The following MACROD2 variants were observed in gnomAD, a reference collection of about 807,000 sequenced individuals.
The protein encoded by MACROD2 is mono-ADP ribosylhydrolase 2.
A neutral mutation model predicts 70.4 loss-of-function variants in MACROD2; 36 were observed. The observed-to-expected ratio is 0.51, with a 90% CI of 0.39 to 0.68. The LOEUF (loss-of-function observed/expected upper bound fraction) is 0.68. Among genes scored for constraint, MACROD2 ranks in the 30% least tolerant of loss-of-function variants. The pLI, the probability that MACROD2 is intolerant of heterozygous loss-of-function variation, is 0.00. For missense variants in MACROD2, 496 were observed against 538.4 expected (o/e 0.92, Z 0.78); for synonymous variants, 172 against 178.8 (o/e 0.96, Z 0.30).
chr20:14,996,321 C>A (rs2074949065), intron 5 of MACROD2, among the ~76,000 whole-genome samples: 1 of 152,136 alleles, frequency 6.6e-6, no homozygotes, highest in South Asian at 2.1e-4. Flanking sequence ...GTACTCAGAT[C>A]CACTGAAGCC....
At chr20:14,015,909 A>G (rs1601115691) in intron 2 of MACROD2, among the ~76,000 whole-genome samples, 1 of 152,314 alleles carries the variant, frequency 6.6e-6, no homozygotes, top group South Asian at 2.1e-4. Flanking sequence ...ACCTTTATCA[A>G]CTGTGAATAA....
chr20:14,830,970 G>A (rs2072958460), intron 5 of MACROD2, among the ~76,000 whole-genome samples: 1 of 152,012 alleles, frequency 6.6e-6, no homozygotes, highest in Non-Finnish European at 1.5e-5. Flanking sequence ...AGTTCAAATC[G>A]TTTTCTCTTT....
chr20:14,174,053 TC>T (rs1193939489), intron 3 of MACROD2, among the ~76,000 whole-genome samples: 1 of 152,066 alleles, frequency 6.6e-6, no homozygotes, highest in African/African-American at 2.4e-5. Context: ...TCTGTGAGGG[TC>T]CTTGGTTGTG....
intron 8 of MACROD2, among the ~76,000 whole-genome samples, chr20:15,815,476 T>C (rs960069031): frequency 6.6e-6 from 1 of 152,084 alleles, no homozygotes; most frequent in African/African-American, 2.4e-5. Flanking sequence ...ACAGCTGGTG[T>C]TCATATGACA....
intron 3 of MACROD2, among the ~76,000 whole-genome samples, chr20:14,447,397 A>G (rs192219663): frequency 6.6e-6 from 1 of 152,266 alleles, no homozygotes; most frequent in East Asian, 1.9e-4. Flanking sequence ...GTTTTTCGAG[A>G]TTAAAGATTT....
At chr20:14,500,181 A>G (rs575631013) in intron 4 of MACROD2, among the ~76,000 whole-genome samples, 16 of 152,328 alleles carry the variant, frequency 1.1e-4, no homozygotes, top group African/African-American at 3.4e-4. Context: ...CATATCATCC[A>G]GGTCTTGGTT....
chr20:14,672,217 G>T (rs2070803664), intron 4 of MACROD2, among the ~76,000 whole-genome samples: 1 of 152,220 alleles, frequency 6.6e-6, no homozygotes. Flanking sequence ...CTGGTCAGTT[G>T]CCAGGAAAGC....
At chr20:16,033,255 A>G (rs1023284072) in intron 15 of MACROD2, among the ~76,000 whole-genome samples, 1 of 152,102 alleles carries the variant, frequency 6.6e-6, no homozygotes, top group Non-Finnish European at 1.5e-5. Context: ...CTTCATGTAG[A>G]TGTAGAATGC....
At chr20:14,198,609 G>A (rs911055225) in intron 3 of MACROD2, among the ~76,000 whole-genome samples, 3 of 152,122 alleles carry the variant, frequency 2.0e-5, no homozygotes, top group Non-Finnish European at 4.4e-5. Flanking sequence ...ATCTTTGTTC[G>A]CATATATTAT....
At position 14,326,235 on chromosome 20, in the gene MACROD2, A is replaced by G. The variant is rs568735001; in HGVS notation, c.272-167244A>G. 6.2e-7 allele frequency: 1 copy of G among 1,613,896 alleles called. No homozygotes were observed. The highest frequency in any genetic ancestry group is 2.2e-5 in the East Asian group (1 of 44,868). ...TAGGTAGAGCAAGTTTCCAAGAGAT[A>G]TGAATGGTATCAGAGGTGACAGACT... On this transcript the variant is annotated intron_variant, in intron 3 of 17. Coordinates refer to ENST00000684519, the MANE Select transcript of MACROD2 (RefSeq NM_001351661.2). The surrounding 1 kb of genome is among the most constrained non-coding windows in gnomAD (Gnocchi z 5.5).
intron 2 of MACROD2, among the ~76,000 whole-genome samples, chr20:14,041,517 A>C (rs1017453464): frequency 1.3e-5 from 2 of 152,182 alleles, no homozygotes; most frequent in African/African-American, 4.8e-5. Context: ...GAAATATAGG[A>C]ATAAGAAATA....
chr20:14,671,680 C>G (rs777333154), intron 4 of MACROD2, among the ~76,000 whole-genome samples: 1 of 152,128 alleles, frequency 6.6e-6, no homozygotes, highest in Non-Finnish European at 1.5e-5. Flanking sequence ...CCTAGGATCA[C>G]GGCCCAAATC....
intron 8 of MACROD2, among the ~76,000 whole-genome samples, chr20:15,513,265 G>A (rs1200997298): frequency 6.6e-6 from 1 of 151,632 alleles, no homozygotes; most frequent in African/African-American, 2.4e-5. Flanking sequence ...CTGTTCGGGA[G>A]TCAAAGGAAA....
chr20:15,286,599 G>T (rs954648461), intron 6 of MACROD2, among the ~76,000 whole-genome samples: 15 of 151,192 alleles, frequency 9.9e-5, no homozygotes, highest in Non-Finnish European at 2.1e-4. Context: ...GGGCTACAAA[G>T]ATATAACACA....
intron 14 of MACROD2, 68 bp from the exon 15 acceptor site, chr20:15,986,998 G>A: frequency 7.3e-7 from 1 of 1,361,718 alleles, no homozygotes; most frequent in East Asian, 2.3e-5. Flanking sequence ...CTATACCATA[G>A]TCACAGTATT....
intron 5 of MACROD2, among the ~76,000 whole-genome samples, chr20:14,945,517 G>T (rs1209585930): frequency 6.6e-6 from 1 of 152,178 alleles, no homozygotes; most frequent in African/African-American, 2.4e-5. Context: ...CCACTTCATT[G>T]TATCATCTTC....
chr20:14,380,499 GA>G (rs1188129434), intron 3 of MACROD2, among the ~76,000 whole-genome samples: 1 of 152,060 alleles, frequency 6.6e-6, no homozygotes, highest in Non-Finnish European at 1.5e-5. Context: ...CCAAGATCAA[GA>G]AGATTTGCCC....
At chr20:14,517,812 C>G (rs1460570846) in intron 4 of MACROD2, among the ~76,000 whole-genome samples, 1 of 152,008 alleles carries the variant, frequency 6.6e-6, no homozygotes, top group East Asian at 1.9e-4. Context: ...TTAAATGCAG[C>G]TTTCATGATG....
intron 3 of MACROD2, among the ~76,000 whole-genome samples, chr20:14,389,442 G>A (rs1337847435): frequency 0.016 from 1,208 of 74,458 alleles, 6 homozygotes; most frequent in Non-Finnish European, 0.02. Flanking sequence ...AAAAAAAAAA[G>A]ACATAGGGTC....
Sources: gnomAD v4.1 joint callset for allele counts (sites outside exome capture counted in the v4.1 genomes callset) on GRCh38, gnomAD v4.1.1 for gene constraint, Gnocchi (gnomAD v3.1) non-coding constraint, MANE v1.5 for transcripts, NCBI Gene and HGNC (gene_info 2026-07-23, HGNC 2026-07-21) for gene names.